The following MKX variants were observed in gnomAD, a reference collection of about 807,000 sequenced individuals.
MKX encodes the protein homeobox protein Mohawk.
Under a neutral mutation model 36.0 loss-of-function variants are expected in MKX, and 13 were observed. The ratio of observed to expected loss-of-function variants is 0.36; its 90% CI spans 0.24 to 0.57. The LOEUF is 0.57. Among genes scored for constraint, MKX ranks in the 20% least tolerant of loss-of-function variants. The probability of loss-of-function intolerance (pLI) is 0.79; values close to 1 mark genes in which losing one functional copy is unlikely to be tolerated. For synonymous variants in MKX, 176 were observed against 178.3 expected, an observed-to-expected ratio of 0.99 and a Z score of 0.10; for missense variants, 458 against 456.4, an observed-to-expected ratio of 1.00 and a Z score of -0.03.
Position 27,675,089 on chromosome 10 carries a change from A to G in MKX, c.*140T>C. 1 of 673,848 alleles carries G rather than the reference A, an allele frequency of 1.5e-6. No individual in the cohort carries two copies. Among genetic ancestry groups the G allele is most frequent in the Non-Finnish European group, 2.4e-6 (1 of 425,508 alleles). 41.7% of individuals were successfully genotyped at this position (673,848 alleles called of 1,614,324 possible). On this transcript the variant is annotated 3_prime_UTR_variant, in exon 7 of 7. Coordinates refer to ENST00000419761, the MANE Select transcript of MKX (RefSeq NM_173576.3). The stretch of plus-strand genomic sequence containing the variant: ...AATTTATATGTCTTTTATAGAAGCA[A>G]CTAAATGATATATTTGGGATAATTA...
Position 27,702,450 on chromosome 10 carries a change from G to T in MKX, c.839-26896C>A, listed in dbSNP as rs1021359843. ...GCTGGTGGTTTCTTAAAAAGGAAAA[G>T]CAAATTTGCAAATTTTATCAGATTG... is the stretch of plus-strand genomic sequence containing the variant. On this transcript the variant is annotated intron_variant, in intron 5 of 6. Transcript: ENST00000419761. 2.0e-5 allele frequency among the ~76,000 whole-genome samples: 3 copies of T among 152,260 alleles called. No homozygotes were observed. The East Asian group carries it at 5.8e-4, about 29-fold the overall frequency.
intron 5 of MKX, among the ~76,000 whole-genome samples, chr10:27,689,379 G>A (rs1314793578): frequency 6.6e-6 from 1 of 152,130 alleles, no homozygotes; most frequent in Admixed American, 6.5e-5. Flanking sequence ...ATGCTGCAAT[G>A]TTCTTAATAA....
chr10:27,743,456 T>C lies in MKX; in HGVS notation c.-41A>G, dbSNP rs1200456721. ...GGACGCGCGGCGCGGCCGCAGAGCC[T>C]CGGGGCTGGGCCGCCGGGAGCTCCG... On this transcript the variant is annotated 5_prime_UTR_variant, in exon 2 of 7. Coordinates refer to ENST00000419761, the MANE Select transcript of MKX (RefSeq NM_173576.3). 6.7e-7 allele frequency: 1 copy of C among 1,491,240 alleles called. No homozygotes were observed. The highest frequency in any genetic ancestry group is 1.5e-5 in the African/African-American group (1 of 68,452). The allele number at this position is 1,491,240 out of a possible 1,614,324, so 92.4% of individuals were successfully genotyped here.
chr10:27,741,549 G>A lies in MKX; in HGVS notation c.189-45C>T. The A allele has an allele frequency of 6.6e-7, 1 of 1,525,820 alleles. No individual in the cohort carries two copies. Among genetic ancestry groups the A allele is most frequent in the East Asian group, 2.4e-5 (1 of 42,394 alleles). 94.5% of individuals were successfully genotyped at this position (1,525,820 alleles called of 1,614,324 possible). ...GGCGGCCCTGGTGAGCGACGCGTTT[G>A]CCCGCCCGGACGCTCCACGCCCCGG... is the stretch of plus-strand genomic sequence containing the variant. On this transcript the variant is annotated intron_variant, in intron 2 of 6. Transcript: ENST00000419761. This position sits in a 1 kb window ranked among gnomAD's most constrained non-coding sequence, Gnocchi z 5.1.
chr10:27,694,664 C>T (rs1836520302), intron 5 of MKX, among the ~76,000 whole-genome samples: 1 of 142,140 alleles, frequency 7.0e-6, no homozygotes, highest in East Asian at 2.0e-4. Flanking sequence ...CACTGCACTC[C>T]AGCCTGGGCG....
chr10:27,709,835 T>C (rs979287930), intron 5 of MKX, among the ~76,000 whole-genome samples: 4 of 152,236 alleles, frequency 2.6e-5, no homozygotes, highest in African/African-American at 9.6e-5. Context: ...TAATGTGAGC[T>C]ACATGCAAAC....
At chr10:27,701,424 A>C (rs1203206996) in intron 5 of MKX, among the ~76,000 whole-genome samples, 3 of 147,100 alleles carry the variant, frequency 2.0e-5, no homozygotes, top group African/African-American at 7.4e-5. Context: ...TTTACTATAG[A>C]TAATATATAT....
intron 5 of MKX, among the ~76,000 whole-genome samples, chr10:27,678,298 A>G (rs1003729840): frequency 1.3e-5 from 2 of 152,230 alleles, no homozygotes; most frequent in Non-Finnish European, 2.9e-5. Flanking sequence ...CAGAGGAAAA[A>G]AAAATGAGTT....
intron 5 of MKX, among the ~76,000 whole-genome samples, chr10:27,712,946 AC>A (rs1836898784): frequency 6.6e-6 from 1 of 152,082 alleles, no homozygotes; most frequent in African/African-American, 2.4e-5. Flanking sequence ...CTAAAAAAAA[AC>A]AACAATAATA....
At chr10:27,719,173 T>C (rs1193887186) in intron 5 of MKX, among the ~76,000 whole-genome samples, 1 of 152,082 alleles carries the variant, frequency 6.6e-6, no homozygotes, top group African/African-American at 2.4e-5. Context: ...CATTGCCAAG[T>C]CAGAAAAGTT....
At chr10:27,707,036 C>T (rs997024763) in intron 5 of MKX, among the ~76,000 whole-genome samples, 1 of 152,190 alleles carries the variant, frequency 6.6e-6, no homozygotes, top group Non-Finnish European at 1.5e-5. Flanking sequence ...AGAAAGGATT[C>T]TCAATGATTA....
intron 5 of MKX, among the ~76,000 whole-genome samples, chr10:27,705,322 A>G (rs558942283): frequency 3.3e-5 from 5 of 152,280 alleles, no homozygotes; most frequent in Non-Finnish European, 5.9e-5. Context: ...TAAATTTAAA[A>G]TCTCAAAGTA....
chr10:27,693,996 C>CGTGAGAG (rs1485563891), intron 5 of MKX, among the ~76,000 whole-genome samples: 1 of 152,044 alleles, frequency 6.6e-6, no homozygotes, highest in African/African-American at 2.4e-5. Context: ...AAGGGGTTTC[C>CGTGAGAG]CCTTTTGCTT....
In MKX at chr10:27,743,406, T is replaced by C; in HGVS notation, c.10A>G (p.Ile4Val). 4 of 1,552,840 alleles carry C rather than the reference T, an allele frequency of 2.6e-6. No homozygotes were observed. The African/African-American group carries it at 4.2e-5, about 16-fold the overall frequency. The change falls in exon 2 of 7, where the codon ATC (isoleucine) becomes GTC (valine). Residue 4 changes from isoleucine (I) to valine (V), a missense_variant. Ile to Val is a conservative substitution (Grantham distance 29). Coordinates refer to ENST00000419761, the MANE Select transcript of MKX (RefSeq NM_173576.3). ...GCACCGCTGAGCTTGTTGAAGACGA[T>C]GGTGTTCATGGTGTCGGTTGGTAGG... Reference protein sequence around the residue: MNTIVFNKLSGAVL... With the variant: MNTVVFNKLSGAVL...
intron 5 of MKX, among the ~76,000 whole-genome samples, chr10:27,722,279 T>C (rs1272130951): frequency 6.6e-6 from 1 of 152,208 alleles, no homozygotes; most frequent in Admixed American, 6.5e-5. Context: ...GGAGGTTTAC[T>C]GGTGCCATGC....
intron 5 of MKX, among the ~76,000 whole-genome samples, chr10:27,700,314 C>T (rs1836628084): frequency 6.6e-6 from 1 of 152,162 alleles, no homozygotes. Context: ...TTTCTGTAAA[C>T]AAACTGTCAC....
intron 5 of MKX, among the ~76,000 whole-genome samples, chr10:27,700,852 A>C (rs1202439750): frequency 6.6e-6 from 1 of 152,162 alleles, no homozygotes; most frequent in African/African-American, 2.4e-5. Context: ...GTTCATTTTA[A>C]TTTATACAAT....
At chr10:27,719,613 T>C (rs1277116638) in intron 5 of MKX, among the ~76,000 whole-genome samples, 1 of 151,738 alleles carries the variant, frequency 6.6e-6, no homozygotes, top group Non-Finnish European at 1.5e-5. Context: ...TATGACAAAG[T>C]AGTGATAAGA....
intron 5 of MKX, among the ~76,000 whole-genome samples, chr10:27,728,300 C>T (rs1834538519): frequency 6.6e-6 from 1 of 152,208 alleles, no homozygotes; most frequent in Non-Finnish European, 1.5e-5. Flanking sequence ...ACACAGGGCC[C>T]TTAACACAGA....
Sources: allele counts gnomAD v4.1 joint callset (sites outside exome capture counted in the v4.1 genomes callset), GRCh38; gene constraint gnomAD v4.1.1; non-coding constraint Gnocchi (gnomAD v3.1); transcripts MANE v1.5; gene names NCBI Gene and HGNC (gene_info 2026-07-23, HGNC 2026-07-21).